EFCAB14: variants seen among roughly 807,000 people sequenced by gnomAD.
EFCAB14 encodes the protein EF-hand calcium-binding domain-containing protein 14.
EFCAB14 carries 43 observed loss-of-function variants against 56.5 expected under a neutral mutation model. That is an observed-to-expected ratio of 0.76 (90% CI 0.60 to 0.98). The LOEUF is 0.98. EFCAB14 is among the 50% of genes least tolerant of loss of function. The pLI, the probability that EFCAB14 is intolerant of heterozygous loss-of-function variation, is 0.00. For synonymous variants in EFCAB14, 235 were observed against 212.9 expected (o/e 1.10, Z -0.90); for missense variants, 538 against 580.3 (o/e 0.93, Z 0.75).
intron 3 of EFCAB14, 63 bp from the exon 4 acceptor site, chr1:46,696,712 T>A: frequency 6.8e-7 from 1 of 1,468,928 alleles, no homozygotes; most frequent in East Asian, 2.3e-5. Flanking sequence ...CACGTTACCT[T>A]CACAAACTCT....
In EFCAB14 at chr1:46,677,755, A is replaced by G. The variant is rs957650812; in HGVS notation, c.*706T>C. On this transcript the variant is annotated 3_prime_UTR_variant, in exon 11 of 11. Coordinates refer to ENST00000371933, the MANE Select transcript of EFCAB14 (RefSeq NM_014774.3). ...GCTGAGGGAATAGGAACAAAGAACC[A>G]GAATCCTACTTCCATGAGCCATGCC... 2 of 152,272 alleles carry G rather than the reference A, an allele frequency of 1.3e-5. No individual in the cohort carries two copies. The highest frequency in any genetic ancestry group is 4.8e-5 in the African/African-American group (2 of 41,444). The allele number at this position is 152,272 out of a possible 1,614,324, so 9.4% of individuals were successfully genotyped here.
intron 2 of EFCAB14, among the ~76,000 whole-genome samples, chr1:46,712,580 A>G (rs1321651278): frequency 1.3e-5 from 2 of 152,214 alleles, no homozygotes; most frequent in Admixed American, 6.5e-5. Context: ...AGTGTCTTGG[A>G]AAATTTATAG....
At chr1:46,701,012 C>T (rs149658144) in intron 3 of EFCAB14, among the ~76,000 whole-genome samples, 2 of 39,490 alleles carry the variant, frequency 5.1e-5, no homozygotes, top group African/African-American at 1.5e-4. Flanking sequence ...TGTGTGTGTG[C>T]ATGTGAGATG....
chr1:46,687,817 G>A (rs1452184562), intron 7 of EFCAB14, among the ~76,000 whole-genome samples: 3 of 152,190 alleles, frequency 2.0e-5, no homozygotes, highest in African/African-American at 4.8e-5. Flanking sequence ...ATGAGGAGGT[G>A]AACTCAATGA....
intron 4 of EFCAB14, 181 bp from the exon 5 acceptor site, chr1:46,692,118 T>A: frequency 2.1e-6 from 1 of 477,882 alleles, no homozygotes; most frequent in Non-Finnish European, 3.7e-6. Context: ...TGACTCTCTG[T>A]AATCACTCCC....
intron 3 of EFCAB14, among the ~76,000 whole-genome samples, chr1:46,702,287 G>A (rs972929735): frequency 2.6e-5 from 4 of 152,144 alleles, no homozygotes; most frequent in Admixed American, 2.6e-4. Flanking sequence ...CCTTTAAATA[G>A]TAAAGAAAAA....
intron 10 of EFCAB14, 95 bp downstream of exon 10, chr1:46,683,205 T>C: frequency 1.4e-6 from 2 of 1,403,486 alleles, no homozygotes; most frequent in Non-Finnish European, 2.0e-6. Flanking sequence ...CCTCAATAAA[T>C]GTTAGATCAT....
At position 46,709,679 on chromosome 1, in the gene EFCAB14, C is replaced by CA. The variant is rs200930045; in HGVS notation, c.335-1629dup. ...GTTAATGTTATACTATTAAGTTAAA[C>CA]AAAAAAAACCCTCAACAAATAACCC... On this transcript the variant is annotated intron_variant, in intron 2 of 10. Coordinates refer to ENST00000371933, the MANE Select transcript of EFCAB14 (RefSeq NM_014774.3). Among the ~76,000 whole-genome samples, 666 of 151,690 alleles carry CA rather than the reference C, an allele frequency of 4.4e-3. 1 individual carries two copies. The highest frequency in any genetic ancestry group is 0.014 in the African/African-American group (590 of 41,372).
chr1:46,678,737 C>CT, intron 10 of EFCAB14, 101 bp from the exon 11 acceptor site: 1 of 1,161,536 alleles, frequency 8.6e-7, no homozygotes, highest in Non-Finnish European at 1.2e-6. Flanking sequence ...AGAAAAGCTA[C>CT]TCCGCAAATT....
chr1:46,712,342 G>A (rs1200605364), intron 2 of EFCAB14, among the ~76,000 whole-genome samples: 2 of 152,142 alleles, frequency 1.3e-5, no homozygotes, highest in African/African-American at 4.8e-5. Context: ...TGGAGTGACA[G>A]AAAAGGATGG....
Position 46,688,429 on chromosome 1 carries a change from TG to T in EFCAB14, c.910del (p.Gln304ArgfsTer5), listed in dbSNP as rs1164238776. ...GMNETVSNLTQRVNLIESDVV... is the reference protein window; with the variant it reads ...GMNETVSNLTXRVNLIESDVV... ...ATCGCTTTCTATCAGGTTGACTCTC[TG>T]GGTAAGATTACTGACTGTCTCGTTC... On this transcript the variant is annotated frameshift_variant, in exon 7 of 11. Coordinates refer to ENST00000371933, the MANE Select transcript of EFCAB14 (RefSeq NM_014774.3). LOFTEE classifies it high-confidence loss of function. 1.2e-6 allele frequency: 2 copies of T among 1,613,944 alleles called. No homozygotes were observed. The highest frequency in any genetic ancestry group is 8.5e-7 in the Non-Finnish European group (1 of 1,179,940).
At chr1:46,694,327 C>T (rs1677045974) in intron 4 of EFCAB14, among the ~76,000 whole-genome samples, 1 of 152,242 alleles carries the variant, frequency 6.6e-6, no homozygotes, top group Non-Finnish European at 1.5e-5. Context: ...GCAATCTCCT[C>T]ATCTGACAAA....
In EFCAB14 at chr1:46,689,641, T is replaced by G; in HGVS notation, c.741A>C (p.Ser247=). Residue 247 remains serine, a synonymous_variant, in exon 6 of 11, where the codon TCA becomes TCC. Transcript: ENST00000371933. ...TGTCAAGTTCTGATGTGGCTGAAGGTGACGGAATGATCTGGTTGCTTCCAG... is the reference window on the plus strand; with the variant it reads ...TGTCAAGTTCTGATGTGGCTGAAGGGGACGGAATGATCTGGTTGCTTCCAG... ...ETPGSNQIIP[S]PSATSELDNK... The G allele has an allele frequency of 2.5e-6, 4 of 1,613,946 alleles. No individual in the cohort carries two copies. The highest frequency in any genetic ancestry group is 3.4e-6 in the Non-Finnish European group (4 of 1,179,814).
At chr1:46,716,189 C>T (rs1469961252) in intron 2 of EFCAB14, 106 bp downstream of exon 2, 2 of 1,227,342 alleles carry the variant, frequency 1.6e-6, no homozygotes, top group African/African-American at 1.6e-5. Context: ...GCGGATGTTG[C>T]AGTGAGCCGA....
intron 8 of EFCAB14, among the ~76,000 whole-genome samples, chr1:46,686,396 A>G (rs1205787896): frequency 6.6e-6 from 1 of 152,198 alleles, no homozygotes; most frequent in East Asian, 1.9e-4. Flanking sequence ...TCTTAGTGTA[A>G]AAGTCATTTC....
chr1:46,708,619 G>C (rs1457989470), intron 2 of EFCAB14, among the ~76,000 whole-genome samples: 1 of 152,132 alleles, frequency 6.6e-6, no homozygotes, highest in Non-Finnish European at 1.5e-5. Flanking sequence ...CAACTGCAAG[G>C]GGGAGGTTTT....
chr1:46,682,397 A>T (rs1307095491), intron 10 of EFCAB14: 1 of 152,126 alleles, frequency 6.6e-6, no homozygotes, highest in Non-Finnish European at 1.5e-5. Context: ...CATCACCATG[A>T]GGGATAGAAC....
At chr1:46,697,305 T>C (rs1327780584) in intron 3 of EFCAB14, among the ~76,000 whole-genome samples, 1 of 152,204 alleles carries the variant, frequency 6.6e-6, no homozygotes, top group African/African-American at 2.4e-5. Flanking sequence ...TGTATTAAAA[T>C]AGGAATTTAA....
chr1:46,704,327 T>C lies in EFCAB14; in HGVS notation c.480+3579A>G, dbSNP rs531107820. On this transcript the variant is annotated intron_variant, in intron 3 of 10. Transcript: ENST00000371933. ...AGAGAGAAAGAGAAAGAAAAAAAATTAGCCAGATATGGTGGTGCGTGCCTG... is the reference window on the plus strand; with the variant it reads ...AGAGAGAAAGAGAAAGAAAAAAAATCAGCCAGATATGGTGGTGCGTGCCTG... Among the ~76,000 whole-genome samples the C allele has an allele frequency of 5.0e-4, 76 of 151,618 alleles. 1 individual carries two copies. The South Asian group carries it at 0.015, about 30-fold the overall frequency.
Sources: allele counts gnomAD v4.1 joint callset (sites outside exome capture counted in the v4.1 genomes callset), GRCh38; gene constraint gnomAD v4.1.1; transcripts MANE v1.5; gene names NCBI Gene and HGNC (gene_info 2026-07-23, HGNC 2026-07-21).